Variants in TAF3 observed in about 807,000 individuals in gnomAD.
TAF3 encodes the protein TATA-box binding protein associated factor 3.
TAF3 carries 7 observed loss-of-function variants against 80.6 expected under a neutral mutation model. That is an observed-to-expected ratio of 0.09 (90% CI 0.05 to 0.16). TAF3 has a LOEUF of 0.16. Ranked by LOEUF, TAF3 falls within the 10% of genes least tolerant of loss-of-function variation. The pLI is 1.00. For missense variants in TAF3, 921 were observed against 1,140.2 expected (o/e 0.81, Z 2.77); for synonymous variants, 444 against 446.1 (o/e 1.00, Z 0.06).
chr10:7,930,495 G>T (rs1837858155), intron 2 of TAF3, among the ~76,000 whole-genome samples: 1 of 152,146 alleles, frequency 6.6e-6, no homozygotes, highest in Non-Finnish European at 1.5e-5. Flanking sequence ...AAATGTATAT[G>T]TTCAGTGCCT....
intron 2 of TAF3, among the ~76,000 whole-genome samples, chr10:7,853,265 T>C (rs1347741831): frequency 6.6e-6 from 1 of 152,176 alleles, no homozygotes; most frequent in East Asian, 1.9e-4. Flanking sequence ...TTAAGTTTAT[T>C]GTAGAGTTGG....
chr10:7,860,918 C>T (rs1189966180), intron 2 of TAF3, among the ~76,000 whole-genome samples: 5 of 151,658 alleles, frequency 3.3e-5, no homozygotes, highest in African/African-American at 1.2e-4. Context: ...TCTGCTTCAG[C>T]CTTCTGAGTA....
chr10:7,874,685 T>A (rs575873105), intron 2 of TAF3, among the ~76,000 whole-genome samples: 1 of 144,810 alleles, frequency 6.9e-6, no homozygotes, highest in Non-Finnish European at 1.5e-5. Context: ...CTAACAGATA[T>A]GTTTTGTCTT....
chr10:7,917,890 T>C (rs1265474589), intron 2 of TAF3, among the ~76,000 whole-genome samples: 1 of 152,132 alleles, frequency 6.6e-6, no homozygotes, highest in African/African-American at 2.4e-5. Context: ...GAGTGTATGG[T>C]TGGGGCAAAA....
chr10:7,880,939 A>G (rs1476869174), intron 2 of TAF3, among the ~76,000 whole-genome samples: 5 of 152,184 alleles, frequency 3.3e-5, no homozygotes, highest in Non-Finnish European at 4.4e-5. Context: ...TTCACATTAC[A>G]AAAGGATTCT....
At chr10:7,975,443 C>T (rs1013636724) in intron 3 of TAF3, among the ~76,000 whole-genome samples, 3 of 152,154 alleles carry the variant, frequency 2.0e-5, no homozygotes, top group Non-Finnish European at 4.4e-5. Context: ...CGCGCATGGT[C>T]CCTGCCCTTA....
At chr10:7,822,136 G>C (rs2131096266) in intron 1 of TAF3, among the ~76,000 whole-genome samples, 1 of 151,780 alleles carries the variant, frequency 6.6e-6, no homozygotes, top group East Asian at 1.9e-4. Flanking sequence ...TAAGAAAATT[G>C]TACTGACAGT....
intron 2 of TAF3, among the ~76,000 whole-genome samples, chr10:7,938,724 G>A (rs953002444): frequency 4.6e-5 from 7 of 152,300 alleles, no homozygotes; most frequent in Admixed American, 2.6e-4. Flanking sequence ...AAAGATTTAG[G>A]AGTCAGCAAC....
At chr10:7,960,086 G>A (rs911392554) in intron 2 of TAF3, among the ~76,000 whole-genome samples, 16 of 152,186 alleles carry the variant, frequency 1.1e-4, no homozygotes, top group African/African-American at 3.6e-4. Flanking sequence ...CCGTTATCCT[G>A]CCTAAGCCAA....
At position 8,014,620 on chromosome 10, in the gene TAF3, C is replaced by T. The variant is rs1832086193; in HGVS notation, c.2676-17C>T. ...TCTGTATAAAAGTTGCTTATCTGAG[C>T]TTGTTTTCACGTGCAGGCCCTGTGT... On this transcript the variant is annotated splice_polypyrimidine_tract_variant and intron_variant, in intron 6 of 6. Transcript: ENST00000344293. The T allele has an allele frequency of 6.2e-7, 1 of 1,604,024 alleles. No individual in the cohort carries two copies.
At position 7,879,400 on chromosome 10, in the gene TAF3, A is replaced by G. The variant is rs187796005; in HGVS notation, c.409+54840A>G. Among the ~76,000 whole-genome samples, 437 of 152,284 alleles carry G rather than the reference A, an allele frequency of 2.9e-3. 1 individual carries two copies. The highest frequency in any genetic ancestry group is 4.4e-3 in the Non-Finnish European group (296 of 68,022). On this transcript the variant is annotated intron_variant, in intron 2 of 6. Coordinates refer to ENST00000344293, the MANE Select transcript of TAF3 (RefSeq NM_031923.4). ...AATTGATTATATATTTTATCTCATA[A>G]GGTTTTGAGTCAGAACTATTTTTAT...
At chr10:7,993,218 G>A (rs1013789521) in intron 4 of TAF3, among the ~76,000 whole-genome samples, 3 of 152,042 alleles carry the variant, frequency 2.0e-5, no homozygotes, top group African/African-American at 2.4e-5. Flanking sequence ...TTACTCTGTC[G>A]CCCAGGCTGG....
At chr10:7,917,454 G>A (rs1837721622) in intron 2 of TAF3, among the ~76,000 whole-genome samples, 1 of 152,240 alleles carries the variant, frequency 6.6e-6, no homozygotes, top group East Asian at 1.9e-4. Flanking sequence ...AATGGTGGGA[G>A]GTAACTGTGG....
intron 4 of TAF3, among the ~76,000 whole-genome samples, chr10:7,983,014 G>A (rs993662789): frequency 1.5e-4 from 23 of 152,118 alleles, no homozygotes; most frequent in African/African-American, 5.6e-4. Context: ...AAATCAAACC[G>A]TCTTAGAGGG....
chr10:7,849,729 G>T (rs890458723), intron 2 of TAF3, among the ~76,000 whole-genome samples: 3 of 151,394 alleles, frequency 2.0e-5, no homozygotes, highest in South Asian at 2.1e-4. Context: ...ACCCAGGCTG[G>T]AGTGCAGTGG....
intron 4 of TAF3, among the ~76,000 whole-genome samples, chr10:7,999,254 G>T (rs533512569): frequency 6.6e-6 from 1 of 152,198 alleles, no homozygotes; most frequent in African/African-American, 2.4e-5. Flanking sequence ...GTTTAATACT[G>T]CAAGTAATCC....
At chr10:7,897,430 A>G (rs1316584887) in intron 2 of TAF3, among the ~76,000 whole-genome samples, 1 of 152,158 alleles carries the variant, frequency 6.6e-6, no homozygotes, top group Non-Finnish European at 1.5e-5. Context: ...AATCCTATGT[A>G]TACTGTCAGA....
At chr10:7,912,076 A>G (rs1414551834) in intron 2 of TAF3, among the ~76,000 whole-genome samples, 1 of 152,192 alleles carries the variant, frequency 6.6e-6, no homozygotes, top group Non-Finnish European at 1.5e-5. Context: ...TTTGGGAGAT[A>G]TTTTTTATGT....
intron 2 of TAF3, among the ~76,000 whole-genome samples, chr10:7,956,795 GA>G (rs1838140138): frequency 6.6e-6 from 1 of 152,146 alleles, no homozygotes; most frequent in Non-Finnish European, 1.5e-5. Flanking sequence ...TTTCTTATTT[GA>G]AGTATAGCAT....
Sources: allele counts gnomAD v4.1 joint callset (sites outside exome capture counted in the v4.1 genomes callset), GRCh38; gene constraint gnomAD v4.1.1; transcripts MANE v1.5; gene names NCBI Gene and HGNC (gene_info 2026-07-23, HGNC 2026-07-21).